Variants in NCKAP5 observed in about 807,000 individuals in gnomAD.
NCKAP5 encodes NCK associated protein 5, also known as nck-associated protein 5.
A neutral mutation model predicts 167.0 loss-of-function variants in NCKAP5; 92 were observed. The observed-to-expected ratio is 0.55, with a 90% CI of 0.47 to 0.66. NCKAP5 has a LOEUF of 0.66. NCKAP5 is among the 30% of genes least tolerant of loss of function. NCKAP5 has a pLI of 0.00. For synonymous variants in NCKAP5, 891 were observed against 877.4 expected (o/e 1.02, Z -0.27); for missense variants, 2,378 against 2,315.0 (o/e 1.03, Z -0.56).
At chr2:133,101,314 T>C (rs1226218246) in intron 6 of NCKAP5, among the ~76,000 whole-genome samples, 1 of 140,916 alleles carries the variant, frequency 7.1e-6, no homozygotes, top group Non-Finnish European at 1.5e-5. Context: ...AGCCTTGTAG[T>C]ATAGTTTGAA....
At chr2:132,988,528 G>T (rs576723842) in intron 7 of NCKAP5, among the ~76,000 whole-genome samples, 1 of 145,204 alleles carries the variant, frequency 6.9e-6, no homozygotes, top group East Asian at 2.2e-4. Flanking sequence ...ACTTGAAATT[G>T]TATCTTCTTG....
chr2:132,687,755 A>ACACACACACACACC (rs138845809), intron 19 of NCKAP5, among the ~76,000 whole-genome samples: 69 of 142,298 alleles, frequency 4.8e-4, no homozygotes, highest in African/African-American at 1.5e-3. Flanking sequence ...ACACACACAC[A>ACACACACACACACC]CCCTTCCTCT....
intron 11 of NCKAP5, among the ~76,000 whole-genome samples, chr2:132,840,968 T>C (rs956046436): frequency 6.6e-6 from 1 of 152,172 alleles, no homozygotes; most frequent in Non-Finnish European, 1.5e-5. Flanking sequence ...GTTATCTGTA[T>C]AATCTTTCAA....
upstream of NCKAP5, among the ~76,000 whole-genome samples, chr2:133,570,896 C>G (rs1172935457): frequency 6.6e-6 from 1 of 152,008 alleles, no homozygotes; most frequent in Non-Finnish European, 1.5e-5. Flanking sequence ...TTTCAGTGGC[C>G]GGGAGTGATG....
chr2:132,818,548 C>T (rs550547584), intron 11 of NCKAP5, among the ~76,000 whole-genome samples: 79 of 152,236 alleles, frequency 5.2e-4, no homozygotes, highest in African/African-American at 1.7e-3. Context: ...ATTAGCTGGG[C>T]ATGGTGGCGT....
At chr2:133,053,937 T>G (rs1678130625) in intron 6 of NCKAP5, among the ~76,000 whole-genome samples, 1 of 152,192 alleles carries the variant, frequency 6.6e-6, no homozygotes, top group South Asian at 2.1e-4. Flanking sequence ...ACTTCAAAAT[T>G]TCATATTAAT....
rs548068907 is a variant in NCKAP5 at position 133,346,739 on chromosome 2, C to A, written c.70-43629G>T. Among the ~76,000 whole-genome samples, 163 of 152,304 alleles carry A rather than the reference C, an allele frequency of 1.1e-3. No individual in the cohort carries two copies. In the Middle Eastern group the frequency reaches 0.014, roughly 13 times the overall value. On this transcript the variant is annotated intron_variant, in intron 3 of 19. Transcript: ENST00000409261. The stretch of plus-strand genomic sequence containing the variant: ...GAACTTGTGAATAAATGTGTGCAAC[C>A]AAGCTTCATCCATGGATGGCGATGC...
intron 9 of NCKAP5, among the ~76,000 whole-genome samples, chr2:132,877,762 T>C (rs973998322): frequency 5.9e-5 from 9 of 152,024 alleles, no homozygotes; most frequent in African/African-American, 1.7e-4. Flanking sequence ...AGACAGTGCA[T>C]TGGAGGAGAG....
chr2:133,660,083 C>A, the NCKAP5 span, among the ~76,000 whole-genome samples: 1 of 152,224 alleles, frequency 6.6e-6, no homozygotes, highest in South Asian at 2.1e-4. Flanking sequence ...TGTAAGAATC[C>A]TCTCTATTTC....
chr2:133,666,001 A>C, the NCKAP5 span, among the ~76,000 whole-genome samples: 1 of 152,028 alleles, frequency 6.6e-6, no homozygotes, highest in Admixed American at 6.5e-5. Context: ...CAATACAAAA[A>C]TGTAAGATGA....
intron 19 of NCKAP5, among the ~76,000 whole-genome samples, chr2:132,709,120 T>C (rs1039727551): frequency 6.6e-6 from 1 of 152,058 alleles, no homozygotes; most frequent in African/African-American, 2.4e-5. Flanking sequence ...TCTTTTGGGT[T>C]TTCTATGAAC....
intron 3 of NCKAP5, among the ~76,000 whole-genome samples, chr2:133,514,390 T>C (rs148104033): frequency 3.9e-5 from 6 of 152,300 alleles, no homozygotes; most frequent in Non-Finnish European, 7.4e-5. Flanking sequence ...CCATGCCACG[T>C]GACTAAGGAC....
chr2:133,215,059 A>T (rs1340090159), intron 4 of NCKAP5, among the ~76,000 whole-genome samples: 1 of 152,184 alleles, frequency 6.6e-6, no homozygotes, highest in Non-Finnish European at 1.5e-5. Context: ...AAGAAGGGAG[A>T]CTAGACTAGG....
the NCKAP5 span, among the ~76,000 whole-genome samples, chr2:133,622,922 C>T: frequency 6.6e-6 from 1 of 152,066 alleles, no homozygotes; most frequent in Non-Finnish European, 1.5e-5. Flanking sequence ...CCCTAGTCAC[C>T]AAAACAGCAT....
chr2:133,432,773 T>C (rs1024976867), intron 3 of NCKAP5, among the ~76,000 whole-genome samples: 1 of 152,210 alleles, frequency 6.6e-6, no homozygotes, highest in Non-Finnish European at 1.5e-5. Context: ...ATCATAACTA[T>C]TCATGGTGAA....
At chr2:133,163,227 A>G (rs1476230577) in intron 5 of NCKAP5, among the ~76,000 whole-genome samples, 1 of 152,232 alleles carries the variant, frequency 6.6e-6, no homozygotes, top group African/African-American at 2.4e-5. Flanking sequence ...GTCTCTGCCT[A>G]TGTGATTGGT....
intron 6 of NCKAP5, among the ~76,000 whole-genome samples, chr2:133,104,102 C>T (rs1017343430): frequency 2.0e-5 from 3 of 151,564 alleles, no homozygotes; most frequent in African/African-American, 7.3e-5. Flanking sequence ...CCTTCTTGAC[C>T]TGAAACAAAA....
chr2:133,463,500 G>A (rs1692331021), intron 3 of NCKAP5, among the ~76,000 whole-genome samples: 1 of 152,124 alleles, frequency 6.6e-6, no homozygotes, highest in South Asian at 2.1e-4. Flanking sequence ...TTATTTTCTA[G>A]CAAATAGTTG....
At position 133,330,053 on chromosome 2, in the gene NCKAP5, CTTTTTTTTTTTT is replaced by C. The variant is rs1165568563; in HGVS notation, c.70-26955_70-26944del. On this transcript the variant is annotated intron_variant, in intron 3 of 19. Coordinates refer to ENST00000409261, the MANE Select transcript of NCKAP5 (RefSeq NM_207363.3). ...GGGAATGTGGCCAAGAAAGCAAGACCTTTTTTTTTTTTTTTTTTTTTTTTTTTTTCTGAGACA... is the reference window on the plus strand; with the variant it reads ...GGGAATGTGGCCAAGAAAGCAAGACCTTTTTTTTTTTTTTTTTCTGAGACA... Among the ~76,000 whole-genome samples the C allele has an allele frequency of 7.0e-5, 6 of 85,704 alleles. No homozygotes were observed. In the South Asian group the frequency reaches 1.1e-3, roughly 16 times the overall value. 56.2% of individuals were successfully genotyped at this position (85,704 alleles called of 152,430 possible). A position where few individuals can be genotyped will look rare whatever the true frequency, so the allele number is the denominator to read the frequency against.
Sources: allele counts gnomAD v4.1 joint callset (sites outside exome capture counted in the v4.1 genomes callset), GRCh38; gene constraint gnomAD v4.1.1; transcripts MANE v1.5; gene names NCBI Gene and HGNC (gene_info 2026-07-23, HGNC 2026-07-21).